ZNF638: variants seen among roughly 807,000 people sequenced by gnomAD.
ZNF638 encodes the protein zinc finger protein 638.
ZNF638 carries 46 observed loss-of-function variants against 195.6 expected under a neutral mutation model. The ratio of observed to expected loss-of-function variants is 0.24; its 90% confidence interval spans 0.19 to 0.30. The LOEUF (loss-of-function observed/expected upper bound fraction) is 0.30. Ranked by LOEUF, ZNF638 falls within the 10% of genes least tolerant of loss-of-function variation. The pLI, the probability that ZNF638 is intolerant of heterozygous loss-of-function variation, is 1.00. For synonymous variants in ZNF638, 845 were observed against 772.0 expected, an observed-to-expected ratio of 1.09 and a Z score of -1.57; for missense variants, 2,440 against 2,325.3, an observed-to-expected ratio of 1.05 and a Z score of -1.01.
rs572483570 is a variant in ZNF638, at chr2:71,355,653, A to T, written c.1318-66A>T. ...AACAAAATATTATTTGTCTTTTTTA[A>T]AAGCCTAATTCATTAGTCAACATGA... On this transcript the variant is annotated intron_variant, in intron 2 of 27. Transcript: ENST00000264447. 3.3e-5 allele frequency: 35 copies of T among 1,069,234 alleles called. No individual in the cohort carries two copies. The African/African-American group carries it at 5.4e-4, about 17-fold the overall frequency. 66.2% of individuals were successfully genotyped at this position (1,069,234 alleles called of 1,614,324 possible).
At chr2:71,336,415 G>C (rs1423326592) in intron 1 of ZNF638, among the ~76,000 whole-genome samples, 1 of 140,430 alleles carries the variant, frequency 7.1e-6, no homozygotes, top group Non-Finnish European at 1.5e-5. Flanking sequence ...AAAAACACAA[G>C]TGCTTGTTAA....
intron 27 of ZNF638, chr2:71,433,565 T>C (rs1279653525): frequency 3.6e-6 from 1 of 276,492 alleles, no homozygotes; most frequent in African/African-American, 2.2e-5. Context: ...GATGCCCTCT[T>C]GTCATGTAGA....
intron 10 of ZNF638, among the ~76,000 whole-genome samples, chr2:71,394,442 T>C (rs2079851646): frequency 6.6e-6 from 1 of 152,324 alleles, no homozygotes; most frequent in Admixed American, 6.5e-5. Context: ...CCCATCCATA[T>C]GTTTTTCTTA....
rs114491601 is a variant in ZNF638, at chr2:71,345,885, G to T, written c.-202-2868G>T. On this transcript the variant is annotated intron_variant, in intron 1 of 27. Coordinates refer to ENST00000264447, the MANE Select transcript of ZNF638 (RefSeq NM_014497.5). ...GTATGGTGGCCTTCAAACTTTCTTG[G>T]CCAGGCAACATCTTTGTAGAAGACC... Among the ~76,000 whole-genome samples, 571 of 152,266 alleles carry T rather than the reference G, an allele frequency of 3.8e-3. 2 individuals carry two copies. Among genetic ancestry groups the T allele is most frequent in the African/African-American group, 0.013 (540 of 41,558 alleles).
chr2:71,390,298 C>T (rs1434299502), intron 10 of ZNF638, among the ~76,000 whole-genome samples: 1 of 152,174 alleles, frequency 6.6e-6, no homozygotes, highest in Non-Finnish European at 1.5e-5. Flanking sequence ...TCAGAACAGC[C>T]ACCTCTGGGA....
In ZNF638 at chr2:71,389,917, C is replaced by A. The variant is rs1361943613; in HGVS notation, c.2378-6224C>A. Among the ~76,000 whole-genome samples the A allele has an allele frequency of 3.9e-5, 6 of 152,176 alleles. No homozygotes were observed. In the South Asian group the frequency reaches 6.2e-4, roughly 16 times the overall value. On this transcript the variant is annotated intron_variant, in intron 10 of 27. Transcript: ENST00000264447. ...AAGGCAGTTACGGCCAGGGAACTTACACGAGCACGTCAACTGGTGGGGACT... is the reference window on the plus strand; with the variant it reads ...AAGGCAGTTACGGCCAGGGAACTTAAACGAGCACGTCAACTGGTGGGGACT...
intron 4 of ZNF638, among the ~76,000 whole-genome samples, chr2:71,363,726 A>T: frequency 6.6e-6 from 1 of 152,228 alleles, no homozygotes; most frequent in East Asian, 1.9e-4. Context: ...AAACTAGAAA[A>T]CAGACATCCA....
chr2:71,364,177 C>T lies in ZNF638; in HGVS notation c.1642C>T (p.Pro548Ser). 1 of 1,614,168 alleles carries T rather than the reference C, an allele frequency of 6.2e-7. No homozygotes were observed. The highest frequency in any genetic ancestry group is 8.5e-7 in the Non-Finnish European group (1 of 1,180,024). ...RSRSPYRIRN[P>S]FRGSPKCFRS... is the part of the protein sequence containing the mutation. ...CCGTTCACCATATCGAATTAGAAAT[C>T]CATTTAGAGGTAGTCCAAAATGCTT... is the stretch of plus-strand genomic sequence containing the variant. The change falls in exon 5 of 28, where the codon CCA becomes TCA. Residue 548 changes from proline to serine, a missense_variant. By Grantham distance (74) the Pro-to-Ser change is moderately conservative. Transcript: ENST00000264447.
intron 10 of ZNF638, chr2:71,388,420 C>T (rs1008816857): frequency 2.9e-6 from 2 of 678,146 alleles, no homozygotes; most frequent in African/African-American, 3.5e-5. Flanking sequence ...CAGGACTGCT[C>T]CCTACAGGCG....
At chr2:71,404,098 T>C (rs1471113501) in intron 17 of ZNF638, 100 bp downstream of exon 17, 3 of 1,252,324 alleles carry the variant, frequency 2.4e-6, no homozygotes, top group Non-Finnish European at 3.3e-6. Flanking sequence ...GTTCACATTT[T>C]TCTCACAGAC....
At chr2:71,358,573 G>T (rs576146092) in intron 3 of ZNF638, among the ~76,000 whole-genome samples, 2 of 152,294 alleles carry the variant, frequency 1.3e-5, no homozygotes, top group East Asian at 1.9e-4. Flanking sequence ...GGGCTTAAGG[G>T]TTCTTTCGTT....
At chr2:71,371,725 G>T (rs1014770668) in intron 8 of ZNF638, among the ~76,000 whole-genome samples, 2 of 150,158 alleles carry the variant, frequency 1.3e-5, no homozygotes, top group Admixed American at 6.6e-5. Flanking sequence ...CTGTAAAGTG[G>T]CTTGAGTTCC....
chr2:71,379,143 A>T (rs2079489279), intron 8 of ZNF638, among the ~76,000 whole-genome samples: 1 of 152,220 alleles, frequency 6.6e-6, no homozygotes, highest in African/African-American at 2.4e-5. Flanking sequence ...AAAAGGTAGT[A>T]GTAGATTAGA....
At chr2:71,348,238 A>G (rs1047277323) in intron 1 of ZNF638, among the ~76,000 whole-genome samples, 6 of 152,254 alleles carry the variant, frequency 3.9e-5, no homozygotes, top group Non-Finnish European at 7.3e-5. Context: ...TAATAGGAAC[A>G]TAAGTGTAGT....
In ZNF638 at chr2:71,424,007, C is replaced by T. The variant is rs762353156; in HGVS notation, c.4493C>T (p.Ser1498Phe). Residue 1498 changes from serine to phenylalanine, a missense_variant, in exon 22 of 28, where the codon TCC becomes TTC. Around this residue, in one of 5 missense-constraint regions of ZNF638, gnomAD observed 1,883 missense variants for 1,739.1 expected, o/e 1.08. Transcript: ENST00000264447. ...TCTCAGGAAACAGAGGCTAGACCTT[C>T]CATCATGAAACGGGATGACAGCAAC... ...KQSQETEARP[S>F]IMKRDDSNNK... 5.3e-5 allele frequency: 86 copies of T among 1,613,700 alleles called. No homozygotes were observed. Among genetic ancestry groups the T allele is most frequent in the Non-Finnish European group, 4.2e-6 (5 of 1,179,854 alleles).
chr2:71,425,540 T>C (rs2152604798), intron 23 of ZNF638, among the ~76,000 whole-genome samples: 1 of 152,314 alleles, frequency 6.6e-6, no homozygotes, highest in East Asian at 1.9e-4. Context: ...GAATTTATCT[T>C]CTTTACTATT....
Position 71,349,830 on chromosome 2 carries a change from G to A in ZNF638, c.876G>A (p.Lys292=), listed in dbSNP as rs767424982. The A allele has an allele frequency of 5.6e-6, 9 of 1,614,064 alleles. No homozygotes were observed. Among genetic ancestry groups the A allele is most frequent in the Non-Finnish European group, 5.9e-6 (7 of 1,180,034 alleles). The change falls in exon 2 of 28, where the codon AAG becomes AAA. Residue 292 remains lysine (K), a synonymous_variant. Coordinates refer to ENST00000264447, the MANE Select transcript of ZNF638 (RefSeq NM_014497.5). ...TTTTCTCAGTTGAGAGTGGAACCAAGATGTCAGGCTTACACATTTCAGGAG... is the reference window on the plus strand; with the variant it reads ...TTTTCTCAGTTGAGAGTGGAACCAAAATGTCAGGCTTACACATTTCAGGAG... ...RSFFSVESGT[K]MSGLHISGGQ... is the part of the protein sequence containing the mutation.
At chr2:71,364,384 CCA>C in intron 5 of ZNF638, 132 bp downstream of exon 5, 1 of 940,678 alleles carries the variant, frequency 1.1e-6, no homozygotes, top group Non-Finnish European at 1.5e-6. Context: ...GACCCACATG[CCA>C]CAGAGTTATT....
In ZNF638 at chr2:71,423,105, G is replaced by T. The variant is rs773966421; in HGVS notation, c.3591G>T (p.Glu1197Asp). The change falls in exon 22 of 28, where the codon GAG becomes GAT. Residue 1197 changes from glutamate to aspartate, a missense_variant. Transcript: ENST00000264447. ...SIEQFTENAEECALNQQMFNS... is the reference protein window; with the variant it reads ...SIEQFTENAEDCALNQQMFNS... ...AACAATTCACTGAAAATGCCGAGGAGTGTGCTTTAAATCAGCAGATGTTTA... is the reference window on the plus strand; with the variant it reads ...AACAATTCACTGAAAATGCCGAGGATTGTGCTTTAAATCAGCAGATGTTTA... 1 of 1,614,148 alleles carries T rather than the reference G, an allele frequency of 6.2e-7. No individual in the cohort carries two copies. The highest frequency in any genetic ancestry group is 2.2e-5 in the East Asian group (1 of 44,880).
Sources: gnomAD v4.1 joint callset for allele counts (sites outside exome capture counted in the v4.1 genomes callset) on GRCh38, gnomAD v4.1.1 for gene constraint, gnomAD v4.1.1 regional missense constraint, MANE v1.5 for transcripts, NCBI Gene and HGNC (gene_info 2026-07-23, HGNC 2026-07-21) for gene names.